The following LARGE1 variants were observed in gnomAD, a reference collection of about 807,000 sequenced individuals.
LARGE1 encodes the protein LARGE xylosyl- and glucuronyltransferase 1.
In LARGE1, 43 loss-of-function variants were observed where a neutral mutation model predicts 87.6. The observed-to-expected ratio is 0.49, with a 90% CI of 0.38 to 0.63. The LOEUF (loss-of-function observed/expected upper bound fraction) is 0.63, where lower values mean the gene tolerates loss of function less well. Ranked by LOEUF, LARGE1 falls within the 30% of genes least tolerant of loss-of-function variation. LARGE1 has a pLI of 0.00. For missense variants in LARGE1, 802 were observed against 1,000.2 expected (o/e 0.80, Z 2.67); for synonymous variants, 434 against 394.6 (o/e 1.10, Z -1.18).
chr22:33,115,535 A>G, the LARGE1 span, among the ~76,000 whole-genome samples: 131 of 152,024 alleles, frequency 8.6e-4, no homozygotes, highest in Non-Finnish European at 1.5e-3. Context: ...AGAAGAGAAG[A>G]GGCCAGGCGA....
the LARGE1 span, among the ~76,000 whole-genome samples, chr22:33,075,527 C>G: frequency 6.6e-6 from 1 of 152,266 alleles, no homozygotes; most frequent in Non-Finnish European, 1.5e-5. Context: ...AGTAAAACAG[C>G]CCTCATTGTA....
At chr22:33,412,650 T>C (rs2066347716) in intron 7 of LARGE1, among the ~76,000 whole-genome samples, 1 of 151,132 alleles carries the variant, frequency 6.6e-6, no homozygotes, top group South Asian at 2.1e-4. Flanking sequence ...ATCTGATTTT[T>C]ATTTTATTTT....
chr22:33,602,960 C>G (rs1256344236), intron 5 of LARGE1, among the ~76,000 whole-genome samples: 1 of 152,198 alleles, frequency 6.6e-6, no homozygotes, highest in Non-Finnish European at 1.5e-5. Flanking sequence ...GTTGCTTTTC[C>G]CCCATGGTGT....
chr22:33,474,950 G>C (rs2069008519), intron 6 of LARGE1, among the ~76,000 whole-genome samples: 1 of 152,150 alleles, frequency 6.6e-6, no homozygotes, highest in African/African-American at 2.4e-5. Context: ...TGAGAGGCCA[G>C]GAACTTGTTT....
At chr22:33,629,932 C>T (rs1444734734) in intron 3 of LARGE1, among the ~76,000 whole-genome samples, 2 of 152,154 alleles carry the variant, frequency 1.3e-5, no homozygotes, top group Non-Finnish European at 1.5e-5. Context: ...TGCGCGGTGA[C>T]TCATGCTTGC....
chr22:33,345,278 G>A (rs1395730987), intron 9 of LARGE1, among the ~76,000 whole-genome samples: 1 of 152,138 alleles, frequency 6.6e-6, no homozygotes, highest in Non-Finnish European at 1.5e-5. Flanking sequence ...TAGAAAGTAG[G>A]AGAGTCAGGA....
At chr22:33,256,753 C>T (rs1927299481) in intron 11 of LARGE1, among the ~76,000 whole-genome samples, 1 of 152,190 alleles carries the variant, frequency 6.6e-6, no homozygotes, top group Non-Finnish European at 1.5e-5. Context: ...TCTGTATCAA[C>T]TCACATATTT....
At chr22:33,433,356 G>A (rs2067149106) in intron 6 of LARGE1, among the ~76,000 whole-genome samples, 1 of 152,068 alleles carries the variant, frequency 6.6e-6, no homozygotes, top group African/African-American at 2.4e-5. Flanking sequence ...CAGCACTTTG[G>A]GAGGCCGGGA....
At chr22:33,644,661 C>G (rs983475029) in intron 3 of LARGE1, among the ~76,000 whole-genome samples, 2 of 152,126 alleles carry the variant, frequency 1.3e-5, no homozygotes, top group Non-Finnish European at 2.9e-5. Context: ...ATTTAGAAAA[C>G]CCCATCTTCT....
chr22:33,531,033 G>C (rs1414279182), intron 6 of LARGE1, among the ~76,000 whole-genome samples: 1 of 152,120 alleles, frequency 6.6e-6, no homozygotes, highest in Non-Finnish European at 1.5e-5. Flanking sequence ...TGAGAGTCTT[G>C]GTGACTGACT....
intron 11 of LARGE1, among the ~76,000 whole-genome samples, chr22:33,307,955 G>A (rs1186004161): frequency 1.3e-5 from 2 of 152,120 alleles, no homozygotes; most frequent in South Asian, 2.1e-4. Context: ...TGCTGGATGA[G>A]TCCATGGAAG....
the LARGE1 span, among the ~76,000 whole-genome samples, chr22:33,125,833 C>T: frequency 0.018 from 2,691 of 152,170 alleles, 86 homozygotes; most frequent in African/African-American, 0.062. Context: ...CTGTAACTTC[C>T]GCTTCCTGGG....
chr22:33,354,311 A>C (rs946772900), intron 9 of LARGE1, among the ~76,000 whole-genome samples: 1 of 152,248 alleles, frequency 6.6e-6, no homozygotes, highest in Non-Finnish European at 1.5e-5. Flanking sequence ...CTATATACTT[A>C]GAAAACTTCA....
At chr22:33,723,681 T>C (rs913919590) in intron 2 of LARGE1, among the ~76,000 whole-genome samples, 3 of 152,164 alleles carry the variant, frequency 2.0e-5, no homozygotes, top group Non-Finnish European at 4.4e-5. Context: ...AAAACTCCTG[T>C]ATTTCAGGAG....
At chr22:33,875,427 A>G (rs2064432713) in intron 1 of LARGE1, among the ~76,000 whole-genome samples, 1 of 152,202 alleles carries the variant, frequency 6.6e-6, no homozygotes, top group South Asian at 2.1e-4. Flanking sequence ...TGACTGGGGA[A>G]CCATGGGGGC....
intron 6 of LARGE1, among the ~76,000 whole-genome samples, chr22:33,433,614 A>C (rs1029421620): frequency 2.7e-4 from 41 of 150,520 alleles, no homozygotes; most frequent in African/African-American, 5.6e-4. Flanking sequence ...AAACAAAAAA[A>C]AAAAAAAAAA....
At chr22:33,300,366 C>T (rs1933982786) in intron 12 of LARGE1, among the ~76,000 whole-genome samples, 1 of 152,182 alleles carries the variant, frequency 6.6e-6, no homozygotes, top group African/African-American at 2.4e-5. Flanking sequence ...TGTCATCATT[C>T]TTAAGTAATT....
intron 1 of LARGE1, among the ~76,000 whole-genome samples, chr22:33,841,048 A>G (rs1218251148): frequency 6.6e-6 from 1 of 152,232 alleles, no homozygotes; most frequent in Non-Finnish European, 1.5e-5. Flanking sequence ...CTTAGGTTGC[A>G]TGATTTTGCC....
At chr22:33,534,265 G>A (rs528867329) in intron 6 of LARGE1, among the ~76,000 whole-genome samples, 140 of 152,202 alleles carry the variant, frequency 9.2e-4, no homozygotes, top group African/African-American at 2.7e-3. Flanking sequence ...TTAGCCGGGC[G>A]TGGTGGTGGG....
Sources: allele counts gnomAD v4.1 joint callset (sites outside exome capture counted in the v4.1 genomes callset), GRCh38; gene constraint gnomAD v4.1.1; transcripts MANE v1.5; gene names NCBI Gene and HGNC (gene_info 2026-07-23, HGNC 2026-07-21).